Variants in NTRK2 observed in about 807,000 individuals in gnomAD.
NTRK2 encodes the protein BDNF/NT-3 growth factors receptor.
A neutral mutation model predicts 94.5 loss-of-function variants in NTRK2; 13 were observed. The ratio of observed to expected loss-of-function variants is 0.14; its 90% confidence interval spans 0.09 to 0.22. NTRK2 has a LOEUF of 0.22. Among genes scored for constraint, NTRK2 ranks in the 10% least tolerant of loss-of-function variants. The pLI, the probability that NTRK2 is intolerant of heterozygous loss-of-function variation, is 1.00. For synonymous variants in NTRK2, 372 were observed against 407.4 expected, an observed-to-expected ratio of 0.91 and a Z score of 1.05; for missense variants, 639 against 1,071.2, an observed-to-expected ratio of 0.60 and a Z score of 5.63.
intron 14 of NTRK2, among the ~76,000 whole-genome samples, chr9:84,894,419 A>G (rs12003191): frequency 0.11 from 16,756 of 152,074 alleles, 1,399 homozygotes; most frequent in African/African-American, 0.22. Flanking sequence ...GACTCCTTTG[A>G]CTTCTTGCAG....
At chr9:84,966,827 C>G (rs1227886233) in intron 17 of NTRK2, among the ~76,000 whole-genome samples, 2 of 152,194 alleles carry the variant, frequency 1.3e-5, no homozygotes, top group African/African-American at 4.8e-5. Context: ...CAAATGGTAA[C>G]TTTACAAAAG....
intron 14 of NTRK2, chr9:84,872,108 G>A: frequency 7.6e-7 from 1 of 1,313,672 alleles, no homozygotes; most frequent in Non-Finnish European, 9.8e-7. Flanking sequence ...GCAACATCAA[G>A]TCTGGAGTTG....
intron 17 of NTRK2, among the ~76,000 whole-genome samples, chr9:84,975,787 T>TGTGAATACA (rs1423096536): frequency 0.027 from 4,045 of 151,674 alleles, 162 homozygotes; most frequent in African/African-American, 0.087. Flanking sequence ...GTGTGAATTG[T>TGTGAATACA]ATTCACACAA....
At chr9:84,727,600 A>G (rs975395967) in intron 8 of NTRK2, 54 bp from the exon 9 acceptor site, 2 of 1,554,622 alleles carry the variant, frequency 1.3e-6, no homozygotes, top group African/African-American at 1.4e-5. Context: ...ACATCTCGAG[A>G]TGGGGAGAAT....
At chr9:84,809,372 T>C (rs937453190) in intron 12 of NTRK2, among the ~76,000 whole-genome samples, 1 of 149,642 alleles carries the variant, frequency 6.7e-6, no homozygotes, top group Admixed American at 6.7e-5. Context: ...GTAGGATTAC[T>C]TAATGTTAGA....
intron 15 of NTRK2, among the ~76,000 whole-genome samples, chr9:84,945,387 G>A (rs971232315): frequency 1.3e-5 from 2 of 152,182 alleles, no homozygotes; most frequent in Non-Finnish European, 2.9e-5. Flanking sequence ...AGACAGGCAT[G>A]TACCCAACAC....
chr9:84,738,705 C>A (rs867616473), intron 9 of NTRK2, among the ~76,000 whole-genome samples: 1 of 152,156 alleles, frequency 6.6e-6, no homozygotes, highest in African/African-American at 2.4e-5. Flanking sequence ...TCTAACTAAA[C>A]CTTTGTATAC....
At chr9:84,776,115 GTCTA>G (rs2132931590) in intron 12 of NTRK2, among the ~76,000 whole-genome samples, 1 of 152,192 alleles carries the variant, frequency 6.6e-6, no homozygotes, top group South Asian at 2.1e-4. Flanking sequence ...GTTGGTACCT[GTCTA>G]TCTATCCAAC....
intron 12 of NTRK2, among the ~76,000 whole-genome samples, chr9:84,797,261 A>G (rs1042527862): frequency 2.6e-5 from 4 of 151,962 alleles, no homozygotes; most frequent in African/African-American, 9.7e-5. Context: ...TTACTGGAAC[A>G]CACCGACTCA....
At chr9:85,014,135 T>A (rs1480165845) in intron 17 of NTRK2, among the ~76,000 whole-genome samples, 2 of 152,012 alleles carry the variant, frequency 1.3e-5, no homozygotes, top group Non-Finnish European at 2.9e-5. Context: ...AAAGACTAAA[T>A]GCAACATTTG....
intron 12 of NTRK2, chr9:84,811,724 A>G (rs2071815987): frequency 9.4e-7 from 1 of 1,065,478 alleles, no homozygotes; most frequent in South Asian, 4.6e-5. Context: ...TAATGAATAT[A>G]TGCTTTATAA....
chr9:84,920,556 A>G (rs993087738), intron 14 of NTRK2, among the ~76,000 whole-genome samples: 1 of 152,162 alleles, frequency 6.6e-6, no homozygotes. Flanking sequence ...TCTAGCCTCC[A>G]CCAAATGGGG....
intron 12 of NTRK2, among the ~76,000 whole-genome samples, chr9:84,809,438 T>A (rs1346146880): frequency 6.7e-6 from 1 of 148,672 alleles, no homozygotes; most frequent in Non-Finnish European, 1.5e-5. Flanking sequence ...ATATACTATA[T>A]GTCTTATAGA....
At chr9:84,841,693 C>G (rs2074194801) in intron 12 of NTRK2, among the ~76,000 whole-genome samples, 1 of 152,198 alleles carries the variant, frequency 6.6e-6, no homozygotes, top group Admixed American at 6.5e-5. Context: ...CCCGGTCCCT[C>G]CTCCCACCTT....
At chr9:85,013,946 A>G (rs560571233) in intron 17 of NTRK2, among the ~76,000 whole-genome samples, 1 of 152,170 alleles carries the variant, frequency 6.6e-6, no homozygotes, top group Non-Finnish European at 1.5e-5. Context: ...AAGGTCCCAG[A>G]TTGGCATTAC....
In NTRK2 at chr9:84,956,815, G is replaced by A. The variant is rs139317092; in HGVS notation, c.2172+1298G>A. On this transcript the variant is annotated intron_variant, in intron 17 of 18. Coordinates refer to ENST00000277120, the MANE Select transcript of NTRK2 (RefSeq NM_006180.6). ...AGTGTAAGAAAATTAATCTATTGTC[G>A]TGCTCCATTATTCTTCATTTGACTG... Among the ~76,000 whole-genome samples the A allele has an allele frequency of 2.0e-3, 296 of 150,364 alleles. 1 individual carries two copies. The highest frequency in any genetic ancestry group is 3.3e-3 in the Non-Finnish European group (222 of 67,820).
intron 17 of NTRK2, among the ~76,000 whole-genome samples, chr9:84,972,862 A>G (rs932769151): frequency 6.6e-6 from 1 of 152,200 alleles, no homozygotes; most frequent in African/African-American, 2.4e-5. Context: ...TTTAGCCCCC[A>G]AAAACCCATA....
chr9:84,939,888 G>A (rs918870781), intron 15 of NTRK2, among the ~76,000 whole-genome samples: 3 of 151,870 alleles, frequency 2.0e-5, no homozygotes, highest in African/African-American at 7.3e-5. Context: ...TAATTCTCAG[G>A]CAGGTTATTT....
intron 12 of NTRK2, among the ~76,000 whole-genome samples, chr9:84,853,530 G>A (rs561013239): frequency 5.9e-5 from 9 of 152,328 alleles, no homozygotes; most frequent in African/African-American, 9.6e-5. Flanking sequence ...TATGTTGTAT[G>A]TATAATTTGC....
Sources: allele counts gnomAD v4.1 joint callset (sites outside exome capture counted in the v4.1 genomes callset), GRCh38; gene constraint gnomAD v4.1.1; transcripts MANE v1.5; gene names NCBI Gene and HGNC (gene_info 2026-07-23, HGNC 2026-07-21).